Variants in STK10 observed in about 807,000 individuals in gnomAD.
STK10 encodes serine/threonine-protein kinase 10.
STK10 carries 78 observed loss-of-function variants against 113.8 expected under a neutral mutation model. The observed-to-expected ratio is 0.69, with a 90% CI of 0.57 to 0.83. The LOEUF is 0.83. Ranked by LOEUF, STK10 falls within the 40% of genes least tolerant of loss-of-function variation. STK10 has a pLI of 0.00. For synonymous variants in STK10, 465 were observed against 494.7 expected, an observed-to-expected ratio of 0.94 and a Z score of 0.80; for missense variants, 1,109 against 1,280.1, an observed-to-expected ratio of 0.87 and a Z score of 2.04.
intron 2 of STK10, among the ~76,000 whole-genome samples, chr5:172,148,616 G>A (rs1223009281): frequency 3.3e-5 from 5 of 152,200 alleles, no homozygotes; most frequent in Middle Eastern, 3.2e-3. Context: ...CAGGTCCCCC[G>A]GCACAGGCCT....
intron 4 of STK10, among the ~76,000 whole-genome samples, chr5:172,111,037 C>T (rs1378632305): frequency 6.6e-6 from 1 of 152,110 alleles, no homozygotes; most frequent in African/African-American, 2.4e-5. Flanking sequence ...GGACAGGGGG[C>T]CCTCAGCCTC....
At chr5:172,159,249 A>C (rs994250328) in intron 1 of STK10, among the ~76,000 whole-genome samples, 1 of 152,224 alleles carries the variant, frequency 6.6e-6, no homozygotes, top group African/African-American at 2.4e-5. Context: ...GTGTTGAACA[A>C]GTACACATGG....
chr5:172,129,692 C>A (rs1769705227), intron 2 of STK10, among the ~76,000 whole-genome samples: 1 of 152,148 alleles, frequency 6.6e-6, no homozygotes, highest in African/African-American at 2.4e-5. Context: ...TATCATTCTG[C>A]CTTGTAGTAA....
rs367655898 is a variant in STK10 at position 172,052,931 on chromosome 5, T to C, written c.2764A>G (p.Lys922Glu). The change falls in exon 18 of 19, where the codon AAG becomes GAG. Residue 922 changes from lysine (K) to glutamate (E), a missense_variant and splice_region_variant. By Grantham distance (56) the Lys-to-Glu change is moderately conservative. Around this residue, in one of 5 missense-constraint regions of STK10, gnomAD observed 885 missense variants for 991.1 expected, o/e 0.89. Coordinates refer to ENST00000176763, the MANE Select transcript of STK10 (RefSeq NM_005990.4). ...CCCACCAGCTCGGATAAAGTTACCT[T>C]CTTGCGCGGCCGAAGCTTGTCCCGC... is the stretch of plus-strand genomic sequence containing the variant. ...EWRDKLRPRKKALEEDLNQKK... is the reference protein window; with the variant it reads ...EWRDKLRPRKEALEEDLNQKK... 73 of 1,613,868 alleles carry C rather than the reference T, an allele frequency of 4.5e-5. No individual in the cohort carries two copies. The highest frequency in any genetic ancestry group is 8.5e-6 in the Non-Finnish European group (10 of 1,180,046).
At chr5:172,160,787 C>G (rs775474457) in intron 1 of STK10, among the ~76,000 whole-genome samples, 5 of 152,190 alleles carry the variant, frequency 3.3e-5, no homozygotes, top group African/African-American at 1.2e-4. Context: ...CCCCATTCCA[C>G]AGACGGACGT....
At chr5:172,055,232 C>A (rs1312280494) in intron 16 of STK10, among the ~76,000 whole-genome samples, 2 of 152,088 alleles carry the variant, frequency 1.3e-5, no homozygotes, top group Admixed American at 1.3e-4. Context: ...TGGAGTCTCG[C>A]TCTGTTGCCC....
At chr5:172,177,761 C>T (rs1426939087) in intron 1 of STK10, among the ~76,000 whole-genome samples, 1 of 152,206 alleles carries the variant, frequency 6.6e-6, no homozygotes, top group Admixed American at 6.5e-5. Flanking sequence ...GCCTGTATAG[C>T]CTGCGTAACA....
chr5:172,090,415 G>A, intron 9 of STK10, 53 bp from the exon 10 acceptor site: 2 of 1,589,148 alleles, frequency 1.3e-6, no homozygotes, highest in Non-Finnish European at 1.7e-6. Flanking sequence ...AAGGACCCAT[G>A]GCTGTCGCAG....
intron 4 of STK10, among the ~76,000 whole-genome samples, chr5:172,114,300 GTGTGTGTGTGTGTGTA>G (rs1769315320): frequency 6.9e-6 from 1 of 145,208 alleles, no homozygotes; most frequent in African/African-American, 2.8e-5. Context: ...GTGTGTGTGT[GTGTGTGTGTGTGTGTA>G]TGTGTGTTTT....
intron 1 of STK10, among the ~76,000 whole-genome samples, chr5:172,170,914 A>AGAGGACT (rs1393231553): frequency 2.6e-5 from 4 of 152,168 alleles, no homozygotes; most frequent in African/African-American, 9.7e-5. Context: ...TGCAGAGGGG[A>AGAGGACT]GAGGACTCCG....
intron 3 of STK10, among the ~76,000 whole-genome samples, chr5:172,124,692 C>G (rs2113785321): frequency 6.6e-6 from 1 of 152,092 alleles, no homozygotes; most frequent in Non-Finnish European, 1.5e-5. Context: ...TACCATAATC[C>G]CAAATATTGA....
chr5:172,170,841 CCGCT>C (rs1298856276), intron 1 of STK10, among the ~76,000 whole-genome samples: 2 of 152,172 alleles, frequency 1.3e-5, no homozygotes, highest in African/African-American at 4.8e-5. Context: ...TTGCAGGGGA[CCGCT>C]CCCACCTTTC....
rs191849860 is a variant in STK10, at chr5:172,095,023, G to T, written c.1006-1063C>A. ...GAGGGGACATTGCTTTGCCCCAGAG[G>T]GCCATCCCCTGCCGCCCCGTCCTTC... On this transcript the variant is annotated intron_variant, in intron 8 of 18. Transcript: ENST00000176763. 5.3e-5 allele frequency among the ~76,000 whole-genome samples: 8 copies of T among 152,258 alleles called. No individual in the cohort carries two copies. The East Asian group carries it at 1.2e-3, about 22-fold the overall frequency.
At chr5:172,073,311 T>C (rs10476000) in intron 12 of STK10, among the ~76,000 whole-genome samples, 31,939 of 151,924 alleles carry the variant, frequency 0.21, 4,374 homozygotes, top group African/African-American at 0.38. Flanking sequence ...CACCACCACA[T>C]TGGCTAATTT....
chr5:172,051,333 G>A (rs1193378719), intron 18 of STK10, among the ~76,000 whole-genome samples: 2 of 152,106 alleles, frequency 1.3e-5, no homozygotes, highest in African/African-American at 4.8e-5. Flanking sequence ...GAACCCAGGA[G>A]GCAGAGGTTG....
At chr5:172,078,757 G>C (rs1410542461) in intron 12 of STK10, among the ~76,000 whole-genome samples, 2 of 149,188 alleles carry the variant, frequency 1.3e-5, no homozygotes, top group Admixed American at 1.3e-4. Context: ...GGAACCCCAG[G>C]TGCCAGATCC....
At chr5:172,163,620 G>A (rs910657207) in intron 1 of STK10, among the ~76,000 whole-genome samples, 4 of 152,120 alleles carry the variant, frequency 2.6e-5, no homozygotes, top group Non-Finnish European at 5.9e-5. Context: ...CCTGACTCCC[G>A]GCCTAGTGTT....
In STK10 at chr5:172,107,493, T is replaced by C. The variant is rs902278222; in HGVS notation, c.593+287A>G. 2.0e-5 allele frequency among the ~76,000 whole-genome samples: 3 copies of C among 152,346 alleles called. No homozygotes were observed. In the South Asian group the frequency reaches 6.2e-4, roughly 32 times the overall value. ...ATAAATCACGAACTGAATCCTGTTT[T>C]ATGGATTCTAGTTCAGTTATTAATG... is the stretch of plus-strand genomic sequence containing the variant. On this transcript the variant is annotated intron_variant, in intron 5 of 18. Coordinates refer to ENST00000176763, the MANE Select transcript of STK10 (RefSeq NM_005990.4).
At chr5:172,071,341 CAAAAAA>C (rs58271522) in intron 12 of STK10, among the ~76,000 whole-genome samples, 6 of 53,868 alleles carry the variant, frequency 1.1e-4, no homozygotes, top group African/African-American at 2.3e-4. Flanking sequence ...GGATAGGTAG[CAAAAAA>C]AAAAAAAAAA....
Sources: allele counts gnomAD v4.1 joint callset (sites outside exome capture counted in the v4.1 genomes callset), GRCh38; gene constraint gnomAD v4.1.1; regional missense constraint gnomAD v4.1.1; transcripts MANE v1.5; gene names NCBI Gene and HGNC (gene_info 2026-07-23, HGNC 2026-07-21).